EZH1: variants seen among roughly 807,000 people sequenced by gnomAD.
The protein encoded by EZH1 is enhancer of zeste 1 polycomb repressive complex 2 subunit.
Under a neutral mutation model 100.5 loss-of-function variants are expected in EZH1, and 33 were observed. The ratio of observed to expected loss-of-function variants is 0.33; its 90% CI spans 0.25 to 0.44. The LOEUF (loss-of-function observed/expected upper bound fraction) is 0.44. Ranked by LOEUF, EZH1 falls within the 20% of genes least tolerant of loss-of-function variation. The probability of loss-of-function intolerance (pLI) is 1.00; values close to 1 mark genes in which losing one functional copy is unlikely to be tolerated. For synonymous variants in EZH1, 272 were observed against 313.8 expected (o/e 0.87, Z 1.41); for missense variants, 475 against 928.4 (o/e 0.51, Z 6.35).
Position 42,722,933 on chromosome 17 carries a change from G to A in EZH1, c.367-18C>T, listed in dbSNP as rs374574496. On this transcript the variant is annotated intron_variant, in intron 5 of 20. Transcript: ENST00000428826. The stretch of plus-strand genomic sequence containing the variant: ...TCTTCTACCTGAAACCAAACCAGAT[G>A]TGATTTATTCCATGAAGCCATCATG... 44 of 1,610,234 alleles carry A rather than the reference G, an allele frequency of 2.7e-5. No homozygotes were observed. In the African/African-American group the frequency reaches 4.8e-4, roughly 18 times the overall value.
intron 10 of EZH1, chr17:42,714,284 C>A: frequency 4.6e-6 from 1 of 216,692 alleles, no homozygotes. Context: ...GTGACATTGT[C>A]TAGAGGCACT....
chr17:42,719,802 T>C (rs1204399814), intron 7 of EZH1, among the ~76,000 whole-genome samples: 1 of 152,114 alleles, frequency 6.6e-6, no homozygotes, highest in African/African-American at 2.4e-5. Flanking sequence ...AGAGTGTTCA[T>C]AGAGAGGCCT....
intron 4 of EZH1, among the ~76,000 whole-genome samples, chr17:42,726,300 A>G (rs1320728651): frequency 6.7e-6 from 1 of 149,980 alleles, no homozygotes; most frequent in East Asian, 1.9e-4. Context: ...CTTGGGTTCA[A>G]GTGATTCTCC....
At chr17:42,715,505 C>G (rs986155494) in intron 10 of EZH1, among the ~76,000 whole-genome samples, 2 of 151,770 alleles carry the variant, frequency 1.3e-5, no homozygotes, top group African/African-American at 4.8e-5. Context: ...CTTCAGCCCC[C>G]CAAATTGCTG....
intron 4 of EZH1, 80 bp from the exon 5 acceptor site, chr17:42,724,504 G>A: frequency 6.5e-7 from 1 of 1,548,162 alleles, no homozygotes; most frequent in South Asian, 1.2e-5. Flanking sequence ...TCCAAAATTG[G>A]CTGGGCATAG....
At chr17:42,703,928 G>A (rs1012421023) in intron 18 of EZH1, 108 bp from the exon 19 acceptor site, 26 of 830,028 alleles carry the variant, frequency 3.1e-5, no homozygotes, top group Non-Finnish European at 5.3e-5. Flanking sequence ...TTAGTCTGAT[G>A]GGAATGTTGA....
At chr17:42,743,240 G>T (rs970825725) in intron 1 of EZH1, among the ~76,000 whole-genome samples, 1 of 146,752 alleles carries the variant, frequency 6.8e-6, no homozygotes, top group East Asian at 2.0e-4. Flanking sequence ...GTGCAATCTC[G>T]GCTCACTGCA....
At chr17:42,723,132 T>C (rs1020925315) in intron 5 of EZH1, among the ~76,000 whole-genome samples, 3 of 152,140 alleles carry the variant, frequency 2.0e-5, no homozygotes, top group Non-Finnish European at 2.9e-5. Context: ...ATCCCAGCAC[T>C]TTGGGAGGCC....
intron 10 of EZH1, among the ~76,000 whole-genome samples, chr17:42,717,061 G>A (rs771821793): frequency 8.5e-5 from 13 of 152,088 alleles, no homozygotes; most frequent in Non-Finnish European, 1.3e-4. Flanking sequence ...GAATTTCATC[G>A]CTGCCATACC....
At position 42,733,914 on chromosome 17, in the gene EZH1, C is replaced by CT. The variant is rs1426134931; in HGVS notation, c.-102-2997dup. ...CGAGACAGCATCACTGCATTGCTGC[C>CT]TGGTGACAGAGCGAGACTCCATCTC... On this transcript the variant is annotated intron_variant, in intron 1 of 20. Coordinates refer to ENST00000428826, the MANE Select transcript of EZH1 (RefSeq NM_001991.5). 3.1e-5 allele frequency among the ~76,000 whole-genome samples: 4 copies of CT among 129,926 alleles called. No homozygotes were observed. The Admixed American group carries it at 3.6e-4, about 12-fold the overall frequency. 85.2% of individuals were successfully genotyped at this position (129,926 alleles called of 152,430 possible).
intron 15 of EZH1, among the ~76,000 whole-genome samples, chr17:42,707,222 G>A (rs2053374223): frequency 6.6e-6 from 1 of 151,556 alleles, no homozygotes; most frequent in Admixed American, 6.6e-5. Context: ...TCAGAAAAGG[G>A]AAACTGGGGC....
At chr17:42,738,971 T>G (rs1359803728) in intron 1 of EZH1, among the ~76,000 whole-genome samples, 1 of 149,168 alleles carries the variant, frequency 6.7e-6, no homozygotes, top group Non-Finnish European at 1.5e-5. Flanking sequence ...TTGGCCAGGA[T>G]GGTCTCCATC....
At chr17:42,710,048 A>C in intron 12 of EZH1, 111 bp from the exon 13 acceptor site, 1 of 843,044 alleles carries the variant, frequency 1.2e-6, no homozygotes, top group Non-Finnish European at 2.0e-6. Context: ...CAGCTGACCA[A>C]GCCTCTCATC....
intron 1 of EZH1, among the ~76,000 whole-genome samples, chr17:42,742,804 T>C (rs2054200564): frequency 6.6e-6 from 1 of 152,184 alleles, no homozygotes; most frequent in Non-Finnish European, 1.5e-5. Context: ...AATGATAGCA[T>C]TATTACAGTT....
intron 1 of EZH1, among the ~76,000 whole-genome samples, chr17:42,740,458 G>A (rs1473965149): frequency 1.3e-5 from 2 of 152,094 alleles, no homozygotes; most frequent in South Asian, 2.1e-4. Context: ...GGATGATCTC[G>A]ATCTCTTGAC....
intron 1 of EZH1, among the ~76,000 whole-genome samples, chr17:42,742,309 T>G (rs2054191562): frequency 6.6e-6 from 1 of 152,030 alleles, no homozygotes; most frequent in South Asian, 2.1e-4. Context: ...GTCTGGCTAA[T>G]TTTTTGTATT....
At chr17:42,714,449 A>C (rs1394324518) in intron 10 of EZH1, 2 of 320,520 alleles carry the variant, frequency 6.2e-6, no homozygotes, top group Non-Finnish European at 1.3e-5. Context: ...TGTGCCCAGC[A>C]GACTTCGGGG....
At chr17:42,729,236 A>C in intron 2 of EZH1, 1 of 267,618 alleles carries the variant, frequency 3.7e-6, no homozygotes, top group Non-Finnish European at 7.2e-6. Flanking sequence ...GTGAAACCCC[A>C]TCTCTACAGA....
chr17:42,717,268 C>A (rs79322956), intron 10 of EZH1, among the ~76,000 whole-genome samples: 27 of 152,264 alleles, frequency 1.8e-4, no homozygotes, highest in Admixed American at 1.4e-3. Flanking sequence ...TTTTACAGTA[C>A]GGCCCATTTT....
Sources: gnomAD v4.1 joint callset for allele counts (sites outside exome capture counted in the v4.1 genomes callset) on GRCh38, gnomAD v4.1.1 for gene constraint, MANE v1.5 for transcripts, NCBI Gene and HGNC (gene_info 2026-07-23, HGNC 2026-07-21) for gene names.